Variants in MAPK10 observed in about 807,000 individuals in gnomAD.
MAPK10 encodes the protein JNK3 alpha protein kinase.
MAPK10 carries 25 observed loss-of-function variants against 59.3 expected under a neutral mutation model. That is an observed-to-expected ratio of 0.42 (90% confidence interval 0.31 to 0.59). The LOEUF is 0.59. Among genes scored for constraint, MAPK10 ranks in the 20% least tolerant of loss-of-function variants. The pLI is 0.15. For missense variants in MAPK10, 351 were observed against 568.9 expected (o/e 0.62, Z 3.90); for synonymous variants, 190 against 200.5 (o/e 0.95, Z 0.44).
chr4:86,141,571 C>G (rs1029212435), intron 4 of MAPK10, among the ~76,000 whole-genome samples: 1 of 152,074 alleles, frequency 6.6e-6, no homozygotes, highest in African/African-American at 2.4e-5. Flanking sequence ...CATCTTAAAA[C>G]AGAAAGAAAA....
At chr4:86,536,962 A>C (rs1758292242) in intron 1 of MAPK10, among the ~76,000 whole-genome samples, 1 of 152,102 alleles carries the variant, frequency 6.6e-6, no homozygotes, top group Non-Finnish European at 1.5e-5. Context: ...TGGTAAGATG[A>C]GGGTAAGATG....
At chr4:86,512,147 T>C (rs1705409971) in intron 1 of MAPK10, among the ~76,000 whole-genome samples, 1 of 152,124 alleles carries the variant, frequency 6.6e-6, no homozygotes, top group South Asian at 2.1e-4. Context: ...ACTTTTTTCT[T>C]AAGCTATCTA....
chr4:86,356,066 C>T (rs1426925422), intron 1 of MAPK10, among the ~76,000 whole-genome samples: 1 of 152,126 alleles, frequency 6.6e-6, no homozygotes, highest in Non-Finnish European at 1.5e-5. Context: ...CACACACACA[C>T]ACACACGTGT....
chr4:86,504,064 C>A (rs1755537590), intron 1 of MAPK10, among the ~76,000 whole-genome samples: 1 of 152,082 alleles, frequency 6.6e-6, no homozygotes, highest in Non-Finnish European at 1.5e-5. Flanking sequence ...AACATTCCCC[C>A]CAGCCTACCC....
At chr4:86,437,009 G>A (rs903515344) in intron 1 of MAPK10, among the ~76,000 whole-genome samples, 1 of 151,968 alleles carries the variant, frequency 6.6e-6, no homozygotes, top group Non-Finnish European at 1.5e-5. Context: ...TCAGGAGATC[G>A]AGACCATCCT....
intron 1 of MAPK10, among the ~76,000 whole-genome samples, chr4:86,427,256 CA>C (rs576600795): frequency 0.13 from 12,143 of 93,748 alleles, 604 homozygotes; most frequent in African/African-American, 0.24. Context: ...GATTCTGTCT[CA>C]AAAAAAAAAA....
At chr4:86,084,369 CA>C (rs1017038890) in intron 9 of MAPK10, among the ~76,000 whole-genome samples, 1 of 152,136 alleles carries the variant, frequency 6.6e-6, no homozygotes, top group Admixed American at 6.5e-5. Flanking sequence ...AAGACTCCAT[CA>C]AAAAACTATT....
At chr4:86,492,036 T>G (rs189104680) in intron 1 of MAPK10, among the ~76,000 whole-genome samples, 22 of 152,336 alleles carry the variant, frequency 1.4e-4, no homozygotes, top group Admixed American at 6.5e-4. Flanking sequence ...AGCGGTTTGT[T>G]AATAACTAGC....
intron 11 of MAPK10, among the ~76,000 whole-genome samples, chr4:86,043,778 T>C (rs1430774911): frequency 6.6e-6 from 1 of 152,132 alleles, no homozygotes; most frequent in Non-Finnish European, 1.5e-5. Context: ...TTATCATGTT[T>C]TCTTCTCAAC....
At chr4:86,445,800 G>A (rs528261940) in intron 1 of MAPK10, among the ~76,000 whole-genome samples, 14 of 152,174 alleles carry the variant, frequency 9.2e-5, no homozygotes, top group South Asian at 8.3e-4. Context: ...AGTGTAAGAG[G>A]CTTTCTCAAA....
chr4:86,137,440 T>G (rs1161457145), intron 4 of MAPK10, among the ~76,000 whole-genome samples: 2 of 134,988 alleles, frequency 1.5e-5, no homozygotes, highest in Non-Finnish European at 3.1e-5. Context: ...GACTACTGGG[T>G]ACATAACGAA....
intron 2 of MAPK10, among the ~76,000 whole-genome samples, chr4:86,217,511 C>T (rs954814876): frequency 6.6e-6 from 1 of 152,082 alleles, no homozygotes; most frequent in East Asian, 1.9e-4. Context: ...TGTCATTATA[C>T]CTATTAACTG....
intron 1 of MAPK10, among the ~76,000 whole-genome samples, chr4:86,512,366 T>A (rs1756345099): frequency 6.6e-6 from 1 of 152,216 alleles, no homozygotes; most frequent in South Asian, 2.1e-4. Flanking sequence ...AGGCATTGAC[T>A]GGAATATCAT....
intron 11 of MAPK10, among the ~76,000 whole-genome samples, chr4:86,056,390 C>A (rs554989305): frequency 6.7e-6 from 1 of 150,132 alleles, no homozygotes; most frequent in South Asian, 2.1e-4. Context: ...TTCCTAAATT[C>A]ATATATACTG....
At chr4:86,325,770 A>G (rs1199475234) in intron 2 of MAPK10, 1 of 152,246 alleles carries the variant, frequency 6.6e-6, no homozygotes, top group Admixed American at 6.5e-5. Flanking sequence ...AATGACTTAT[A>G]ATAGTAATAC....
At chr4:86,584,035 G>C (rs2149113880) in intron 1 of MAPK10, among the ~76,000 whole-genome samples, 1 of 152,300 alleles carries the variant, frequency 6.6e-6, no homozygotes, top group Admixed American at 6.5e-5. Flanking sequence ...GTGTGAGTGT[G>C]TGTATGTCTG....
chr4:86,187,704 T>C (rs1471345381), intron 3 of MAPK10, among the ~76,000 whole-genome samples: 1 of 152,142 alleles, frequency 6.6e-6, no homozygotes, highest in East Asian at 1.9e-4. Context: ...AAAAATTACC[T>C]TTATTCCCAT....
intron 1 of MAPK10, among the ~76,000 whole-genome samples, chr4:86,432,906 A>T (rs184573684): frequency 6.6e-6 from 1 of 152,302 alleles, no homozygotes; most frequent in Non-Finnish European, 1.5e-5. Context: ...AGCCAACAAG[A>T]ATAATCCTTA....
chr4:86,425,568 C>T (rs1181571789), intron 1 of MAPK10, among the ~76,000 whole-genome samples: 1 of 152,188 alleles, frequency 6.6e-6, no homozygotes, highest in Non-Finnish European at 1.5e-5. Context: ...AAGCAGTTTG[C>T]TTAGCCTATG....
Sources: gnomAD v4.1 joint callset for allele counts (sites outside exome capture counted in the v4.1 genomes callset) on GRCh38, gnomAD v4.1.1 for gene constraint, MANE v1.5 for transcripts, NCBI Gene and HGNC (gene_info 2026-07-23, HGNC 2026-07-21) for gene names.